The following UBE2R2 variants were observed in gnomAD, a reference collection of about 807,000 sequenced individuals.
The protein encoded by UBE2R2 is ubiquitin conjugating enzyme E2 R2.
UBE2R2 carries 1 observed loss-of-function variant against 27.8 expected under a neutral mutation model. That is an observed-to-expected ratio of 0.04 (90% CI 0.01 to 0.17). The LOEUF (loss-of-function observed/expected upper bound fraction) is 0.17. UBE2R2 is among the 10% of genes least tolerant of loss of function. The pLI is 1.00. For synonymous variants in UBE2R2, 106 were observed against 113.3 expected (o/e 0.94, Z 0.41); for missense variants, 100 against 291.0 (o/e 0.34, Z 4.78).
chr9:33,863,544 G>T (rs1821294058), intron 1 of UBE2R2, among the ~76,000 whole-genome samples: 1 of 151,754 alleles, frequency 6.6e-6, no homozygotes, highest in African/African-American at 2.4e-5. Flanking sequence ...AAAAAAAAGT[G>T]CATGGTAGAT....
At chr9:33,830,290 T>G (rs1261918572) in intron 1 of UBE2R2, among the ~76,000 whole-genome samples, 1 of 150,692 alleles carries the variant, frequency 6.6e-6, no homozygotes, top group Non-Finnish European at 1.5e-5. Context: ...CCCGAGTCGC[T>G]GGGACTACAG....
intron 1 of UBE2R2, among the ~76,000 whole-genome samples, chr9:33,825,963 T>C (rs1820306948): frequency 2.0e-5 from 3 of 151,952 alleles, no homozygotes; most frequent in Admixed American, 2.0e-4. Context: ...GCCAATATGG[T>C]GAAACCCCAT....
upstream of UBE2R2, among the ~76,000 whole-genome samples, chr9:33,815,295 A>G (rs1057287555): frequency 1.2e-3 from 180 of 152,372 alleles, 2 homozygotes; most frequent in African/African-American, 4.1e-3. Context: ...GTAGGTAAAA[A>G]TTAGGGAAGT....
In UBE2R2 at chr9:33,906,105, C is replaced by T. The variant is rs865951494; in HGVS notation, c.362+5834C>T. ...TTGTTGTTGTTGTTGTCGTCGTCGTCGTTGTTGCTGTTGTTGTTGTTGTTG... is the reference window on the plus strand; with the variant it reads ...TTGTTGTTGTTGTTGTCGTCGTCGTTGTTGTTGCTGTTGTTGTTGTTGTTG... On this transcript the variant is annotated intron_variant, in intron 3 of 4. Coordinates refer to ENST00000263228, the MANE Select transcript of UBE2R2 (RefSeq NM_017811.4). Among the ~76,000 whole-genome samples, 224 of 138,500 alleles carry T rather than the reference C, an allele frequency of 1.6e-3. 1 individual carries two copies. Among genetic ancestry groups the T allele is most frequent in the South Asian group, 0.011 (50 of 4,414 alleles). The allele number at this position is 138,500 out of a possible 152,430, so 90.9% of individuals were successfully genotyped here.
intron 3 of UBE2R2, among the ~76,000 whole-genome samples, chr9:33,906,843 C>A (rs1178831677): frequency 6.6e-6 from 1 of 152,146 alleles, no homozygotes; most frequent in Non-Finnish European, 1.5e-5. Flanking sequence ...TCAAAACCAG[C>A]CTGGGCAACA....
At chr9:33,852,058 T>A (rs1290714139) in intron 1 of UBE2R2, among the ~76,000 whole-genome samples, 1 of 151,866 alleles carries the variant, frequency 6.6e-6, no homozygotes, top group African/African-American at 2.4e-5. Flanking sequence ...AGGCCTGTAA[T>A]CCCAGCACTT....
chr9:33,858,978 A>G (rs1821165568), intron 1 of UBE2R2, among the ~76,000 whole-genome samples: 2 of 151,804 alleles, frequency 1.3e-5, no homozygotes, highest in African/African-American at 4.8e-5. Context: ...GGTGCCTGCC[A>G]CCACACCCGG....
intron 1 of UBE2R2, among the ~76,000 whole-genome samples, chr9:33,882,719 T>C (rs1285501665): frequency 6.6e-6 from 1 of 152,202 alleles, no homozygotes; most frequent in Admixed American, 6.6e-5. Flanking sequence ...GTATATAGTT[T>C]AGTGGTTTCT....
chr9:33,908,166 A>G (rs1025003309), intron 3 of UBE2R2, among the ~76,000 whole-genome samples: 1 of 152,176 alleles, frequency 6.6e-6, no homozygotes, highest in East Asian at 1.9e-4. Context: ...GTGTATTCCA[A>G]CAGTATTATC....
At chr9:33,869,184 G>A (rs1229096994) in intron 1 of UBE2R2, among the ~76,000 whole-genome samples, 2 of 152,052 alleles carry the variant, frequency 1.3e-5, no homozygotes, top group East Asian at 3.9e-4. Flanking sequence ...TAGGAGGATT[G>A]CTTGAGCCCG....
At chr9:33,832,107 G>A (rs1820501736) in intron 1 of UBE2R2, among the ~76,000 whole-genome samples, 2 of 149,838 alleles carry the variant, frequency 1.3e-5, no homozygotes, top group Admixed American at 6.6e-5. Flanking sequence ...TTGGGAGTTC[G>A]AGACCAGCCT....
chr9:33,902,599 C>G (rs1352885424), intron 3 of UBE2R2, among the ~76,000 whole-genome samples: 2 of 152,104 alleles, frequency 1.3e-5, no homozygotes, highest in African/African-American at 2.4e-5. Flanking sequence ...TTGCTAGATG[C>G]CTGTATCGTA....
chr9:33,901,474 TG>T (rs1356826425), intron 3 of UBE2R2, among the ~76,000 whole-genome samples: 1 of 152,210 alleles, frequency 6.6e-6, no homozygotes, highest in Non-Finnish European at 1.5e-5. Flanking sequence ...AAGGAGAGGG[TG>T]GCTATACCTC....
intron 1 of UBE2R2, among the ~76,000 whole-genome samples, chr9:33,866,402 C>T (rs1821364188): frequency 6.6e-6 from 1 of 152,076 alleles, no homozygotes; most frequent in South Asian, 2.1e-4. Flanking sequence ...CCACGCCTGG[C>T]TAATTTTTGT....
At chr9:33,898,959 T>C (rs985434233) in intron 2 of UBE2R2, among the ~76,000 whole-genome samples, 2 of 152,202 alleles carry the variant, frequency 1.3e-5, no homozygotes, top group Non-Finnish European at 1.5e-5. Flanking sequence ...GTTAAGTTTA[T>C]GAAGCAAAAT....
chr9:33,871,121 C>T (rs1030327310), intron 1 of UBE2R2, among the ~76,000 whole-genome samples: 1 of 152,170 alleles, frequency 6.6e-6, no homozygotes, highest in Non-Finnish European at 1.5e-5. Context: ...CAGAATTAGG[C>T]ATTTATTTCA....
At chr9:33,825,969 C>T (rs1452187481) in intron 1 of UBE2R2, among the ~76,000 whole-genome samples, 2 of 151,898 alleles carry the variant, frequency 1.3e-5, no homozygotes, top group African/African-American at 4.8e-5. Flanking sequence ...ATGGTGAAAC[C>T]CCATCTCTAC....
intron 3 of UBE2R2, among the ~76,000 whole-genome samples, chr9:33,902,606 C>T (rs774929794): frequency 2.1e-4 from 32 of 152,244 alleles, no homozygotes; most frequent in Non-Finnish European, 3.7e-4. Flanking sequence ...ATGCCTGTAT[C>T]GTAACCAGTT....
In UBE2R2 at chr9:33,917,287, A is replaced by G. The variant is rs1455607046; in HGVS notation, c.*50A>G. 6.2e-7 allele frequency: 1 copy of G among 1,604,418 alleles called. No individual in the cohort carries two copies. The highest frequency in any genetic ancestry group is 8.5e-7 in the Non-Finnish European group (1 of 1,176,044). On this transcript the variant is annotated 3_prime_UTR_variant, in exon 5 of 5. Coordinates refer to ENST00000263228, the MANE Select transcript of UBE2R2 (RefSeq NM_017811.4). Reference sequence around the variant, plus strand: ...TGCCCTGCCATCTCAGGCCAAAGGGAGGGGAGCAAGTGGGGACCTGGCCAT... The same window carrying G: ...TGCCCTGCCATCTCAGGCCAAAGGGGGGGGAGCAAGTGGGGACCTGGCCAT...
Sources: gnomAD v4.1 joint callset for allele counts (sites outside exome capture counted in the v4.1 genomes callset) on GRCh38, gnomAD v4.1.1 for gene constraint, MANE v1.5 for transcripts, NCBI Gene and HGNC (gene_info 2026-07-23, HGNC 2026-07-21) for gene names.